LRRFIP1: variants seen among roughly 807,000 people sequenced by gnomAD.
LRRFIP1 encodes leucine-rich repeat flightless-interacting protein 1.
Under a neutral mutation model 104.4 loss-of-function variants are expected in LRRFIP1, and 62 were observed. The ratio of observed to expected loss-of-function variants is 0.59; its 90% CI spans 0.48 to 0.73. LRRFIP1 has a LOEUF of 0.73. Ranked by LOEUF, LRRFIP1 falls within the 30% of genes least tolerant of loss-of-function variation. The probability of loss-of-function intolerance (pLI) is 0.00; values close to 1 mark genes in which losing one functional copy is unlikely to be tolerated. For synonymous variants in LRRFIP1, 300 were observed against 299.0 expected (o/e 1.00, Z -0.03); for missense variants, 796 against 824.5 (o/e 0.97, Z 0.42).
At chr2:237,721,336 G>A (rs1387896748) in intron 6 of LRRFIP1, 1 of 155,566 alleles carries the variant, frequency 6.4e-6, no homozygotes, top group Non-Finnish European at 1.4e-5. Flanking sequence ...GCTTTTCCTT[G>A]TATCAGTTAT....
intron 1 of LRRFIP1, among the ~76,000 whole-genome samples, chr2:237,639,819 G>T (rs942260080): frequency 3.3e-5 from 5 of 152,182 alleles, no homozygotes; most frequent in African/African-American, 1.2e-4. Flanking sequence ...CTGTCCTGGG[G>T]GGCGCTGTCC....
chr2:237,642,621 T>C (rs1475773545), intron 1 of LRRFIP1, among the ~76,000 whole-genome samples: 1 of 151,780 alleles, frequency 6.6e-6, no homozygotes, highest in Admixed American at 6.5e-5. Context: ...GGCCTCCCAG[T>C]TCTAGGTTCC....
chr2:237,650,296 G>A lies in LRRFIP1; in HGVS notation c.96+22556G>A, dbSNP rs532730661. 4.6e-5 allele frequency among the ~76,000 whole-genome samples: 7 copies of A among 152,070 alleles called. No homozygotes were observed. In the South Asian group the frequency reaches 1.2e-3, roughly 27 times the overall value. On this transcript the variant is annotated intron_variant, in intron 1 of 23. Coordinates refer to ENST00000308482, the MANE Select transcript of LRRFIP1 (RefSeq NM_001137550.2). ...TCTCAGCATGGGGGCTGTTGTGGCT[G>A]AGCAGAGAGATCCGAAGGAAGAGTG... is the stretch of plus-strand genomic sequence containing the variant.
At chr2:237,757,057 A>T (rs2059345060) in intron 16 of LRRFIP1, among the ~76,000 whole-genome samples, 1 of 151,588 alleles carries the variant, frequency 6.6e-6, no homozygotes, top group Non-Finnish European at 1.5e-5. Context: ...CCTTCCAGAA[A>T]GGCTTGATTT....
At chr2:237,732,739 G>T (rs1198082492) in intron 8 of LRRFIP1, among the ~76,000 whole-genome samples, 1 of 152,194 alleles carries the variant, frequency 6.6e-6, no homozygotes, top group Non-Finnish European at 1.5e-5. Context: ...CCCATTTGGG[G>T]TTTCATTTGT....
rs1426275316 is a variant in LRRFIP1, at chr2:237,735,298, G to T, written c.520G>T (p.Gly174Trp). Residue 174 changes from glycine (G) to tryptophan (W), a missense_variant, in exon 10 of 24, where the codon GGG becomes TGG. Gly to Trp is a radical substitution (Grantham distance 184). Transcript: ENST00000308482. The surrounding 1 kb of genome is among the most constrained non-coding windows in gnomAD (Gnocchi z 4.6). ...TGTGTTGGATGAAGGCAGCTTCGGT[G>T]GGACCCGACGGGGCAGCACCTCCGG... ...ASVLDEGSFGGTRRGSTSGSR... is the reference protein window; with the variant it reads ...ASVLDEGSFGWTRRGSTSGSR... 1.2e-6 allele frequency: 2 copies of T among 1,613,550 alleles called. No homozygotes were observed. Among genetic ancestry groups the T allele is most frequent in the East Asian group, 4.5e-5 (2 of 44,878 alleles).
intron 1 of LRRFIP1, among the ~76,000 whole-genome samples, chr2:237,677,062 T>C (rs4663265): frequency 0.7 from 107,250 of 152,160 alleles, 38,632 homozygotes; most frequent in Middle Eastern, 0.84. Flanking sequence ...GTTTGCCATC[T>C]TAACTATTTT....
intron 1 of LRRFIP1, among the ~76,000 whole-genome samples, chr2:237,631,053 A>G (rs1320131087): frequency 6.6e-6 from 1 of 152,172 alleles, no homozygotes; most frequent in African/African-American, 2.4e-5. Flanking sequence ...CTACCCTGTG[A>G]CCTGTCAGAC....
intron 1 of LRRFIP1, among the ~76,000 whole-genome samples, chr2:237,673,734 T>C (rs966526306): frequency 6.6e-6 from 1 of 152,052 alleles, no homozygotes; most frequent in African/African-American, 2.4e-5. Flanking sequence ...TTGGGGACAA[T>C]TCAGATCATT....
rs2093662436 is a variant in LRRFIP1, at chr2:237,703,783, C to T, written c.97-4761C>T. Among the ~76,000 whole-genome samples, 1 of 152,166 alleles carries T rather than the reference C, an allele frequency of 6.6e-6. No individual in the cohort carries two copies. Among genetic ancestry groups the T allele is most frequent in the East Asian group, 1.9e-4 (1 of 5,158 alleles). On this transcript the variant is annotated intron_variant, in intron 1 of 23. Transcript: ENST00000308482. This position sits in a 1 kb window ranked among gnomAD's most constrained non-coding sequence, Gnocchi z 4.3. ...CAAACCACATTTCAGAAATCCCTCC[C>T]ACTGTCTCAAGCAGTGCTGAGACAG...
chr2:237,664,743 C>T (rs918281712), intron 1 of LRRFIP1, among the ~76,000 whole-genome samples: 23 of 152,222 alleles, frequency 1.5e-4, no homozygotes, highest in African/African-American at 5.5e-4. Context: ...CCATCCTTCT[C>T]TGGTATAAAG....
At chr2:237,732,999 G>A (rs910683648) in intron 8 of LRRFIP1, among the ~76,000 whole-genome samples, 5 of 152,174 alleles carry the variant, frequency 3.3e-5, no homozygotes, top group South Asian at 2.1e-4. Flanking sequence ...GAAAGTACAC[G>A]TCCTATTTGG....
chr2:237,765,734 T>C (rs1421092747), intron 19 of LRRFIP1: 2 of 943,290 alleles, frequency 2.1e-6, no homozygotes, highest in Admixed American at 6.2e-5. Flanking sequence ...AGATTTAAAA[T>C]TGTAAAATAT....
chr2:237,700,322 C>T (rs367780435), intron 1 of LRRFIP1, among the ~76,000 whole-genome samples: 2 of 152,102 alleles, frequency 1.3e-5, no homozygotes, highest in African/African-American at 2.4e-5. Flanking sequence ...GCACAAGGAC[C>T]GAGGCCCCTG....
In LRRFIP1 at chr2:237,720,771, G is replaced by A. The variant is rs2094509362; in HGVS notation, c.295-1G>A. 1.2e-6 allele frequency: 2 copies of A among 1,613,686 alleles called. No individual in the cohort carries two copies. Among genetic ancestry groups the A allele is most frequent in the African/African-American group, 2.7e-5 (2 of 74,918 alleles). ...GTTGTTCTCGTCCTTTCTTTTAATA[G>A]GCTTCTGATGAAGACGAGCGCATGT... On this transcript the variant is annotated splice_acceptor_variant, in intron 5 of 23. Coordinates refer to ENST00000308482, the MANE Select transcript of LRRFIP1 (RefSeq NM_001137550.2). LOFTEE classifies it high-confidence loss of function.
At position 237,758,815 on chromosome 2, in the gene LRRFIP1, A is replaced by G; in HGVS notation, c.1311A>G (p.Glu437=). 6.2e-7 allele frequency: 1 copy of G among 1,609,502 alleles called. No homozygotes were observed. Among genetic ancestry groups the G allele is most frequent in the Non-Finnish European group, 8.5e-7 (1 of 1,177,744 alleles). Residue 437 remains glutamate (E), a synonymous_variant, in exon 18 of 24, where the codon GAA becomes GAG. Transcript: ENST00000308482. ...AAGAAGTAGTCATGCTGAAAGAGGA[A>G]TTAAAGGTATGAAGCCAAACTACAG... is the stretch of plus-strand genomic sequence containing the variant. ...LREEVVMLKE[E]LKKHGIILNS... is the part of the protein sequence containing the mutation.
At chr2:237,729,957 A>G (rs2094928889) in intron 8 of LRRFIP1, 1 of 402,658 alleles carries the variant, frequency 2.5e-6, no homozygotes, top group Non-Finnish European at 3.4e-6. Flanking sequence ...TGTTTGACGG[A>G]TTTTTGTTTG....
chr2:237,741,441 T>C (rs932825726), intron 11 of LRRFIP1, among the ~76,000 whole-genome samples: 25 of 152,250 alleles, frequency 1.6e-4, no homozygotes, highest in African/African-American at 6.0e-4. Context: ...AGCTGACTTA[T>C]GTGATCACTT....
intron 1 of LRRFIP1, among the ~76,000 whole-genome samples, chr2:237,695,761 T>G (rs2093138191): frequency 1.3e-5 from 2 of 152,190 alleles, no homozygotes; most frequent in South Asian, 4.1e-4. Context: ...TTTTTTGTTT[T>G]TTTTTTTTAA....
Sources: allele counts gnomAD v4.1 joint callset (sites outside exome capture counted in the v4.1 genomes callset), GRCh38; gene constraint gnomAD v4.1.1; non-coding constraint Gnocchi (gnomAD v3.1); transcripts MANE v1.5; gene names NCBI Gene and HGNC (gene_info 2026-07-23, HGNC 2026-07-21).